INSYN2B: variants seen among roughly 807,000 people sequenced by gnomAD.
INSYN2B encodes protein INSYN2B.
INSYN2B carries 16 observed loss-of-function variants against 41.2 expected under a neutral mutation model. The ratio of observed to expected loss-of-function variants is 0.39; its 90% CI spans 0.26 to 0.59. INSYN2B has a LOEUF of 0.59. Ranked by LOEUF, INSYN2B falls within the 20% of genes least tolerant of loss-of-function variation. The pLI, the probability that INSYN2B is intolerant of heterozygous loss-of-function variation, is 0.57. For missense variants in INSYN2B, 608 were observed against 646.4 expected, an observed-to-expected ratio of 0.94 and a Z score of 0.64; for synonymous variants, 245 against 244.4, an observed-to-expected ratio of 1.00 and a Z score of -0.02.
chr5:169,914,664 CT>C (rs1774780524), intron 1 of INSYN2B, among the ~76,000 whole-genome samples: 1 of 152,204 alleles, frequency 6.6e-6, no homozygotes, highest in South Asian at 2.1e-4. Flanking sequence ...TTTCTGGCAT[CT>C]TAGTAGTAAC....
intron 1 of INSYN2B, among the ~76,000 whole-genome samples, chr5:169,966,864 A>G (rs1777318711): frequency 6.6e-6 from 1 of 152,238 alleles, no homozygotes; most frequent in African/African-American, 2.4e-5. Context: ...ACTTTGGTCT[A>G]ATGTTTTTGA....
Position 169,894,459 on chromosome 5 carries a change from G to T in INSYN2B, c.-918-9643C>A, listed in dbSNP as rs17670285. Among the ~76,000 whole-genome samples the T allele has an allele frequency of 4.9e-4, 75 of 152,222 alleles. 1 individual carries two copies. The East Asian group carries it at 0.011, about 23-fold the overall frequency. ...TGTTGGGCCCTGGACTCTGCAGTGC[G>T]CCATCCACCCTGGTACAGCAAAGCA... On this transcript the variant is annotated intron_variant, in intron 1 of 3. Transcript: ENST00000377365.
At chr5:169,893,257 G>A (rs1483201762) in intron 1 of INSYN2B, among the ~76,000 whole-genome samples, 1 of 152,198 alleles carries the variant, frequency 6.6e-6, no homozygotes, top group Non-Finnish European at 1.5e-5. Context: ...TGCTGCTGCT[G>A]CTGAATCTGA....
intron 3 of INSYN2B, among the ~76,000 whole-genome samples, chr5:169,870,601 T>A (rs956191592): frequency 2.0e-5 from 3 of 152,152 alleles, no homozygotes; most frequent in Non-Finnish European, 2.9e-5. Context: ...TTTGATTTTT[T>A]AAAATTTTAT....
At chr5:169,911,216 G>A (rs1774577410) in intron 1 of INSYN2B, among the ~76,000 whole-genome samples, 1 of 152,134 alleles carries the variant, frequency 6.6e-6, no homozygotes, top group African/African-American at 2.4e-5. Flanking sequence ...GCTGTGCTTT[G>A]AAACAGAGGA....
chr5:169,947,930 G>A (rs145417888), intron 1 of INSYN2B, among the ~76,000 whole-genome samples: 164 of 152,240 alleles, frequency 1.1e-3, no homozygotes, highest in African/African-American at 3.9e-3. Flanking sequence ...GTGCAGTGCC[G>A]CTGCGTTCTG....
Position 169,882,862 on chromosome 5 carries a change from C to T in INSYN2B, c.1037G>A (p.Ser346Asn), listed in dbSNP as rs1402697289. ...HQNLVSLKTN[S>N]ASKSAPGCQE... Reference sequence around the variant, plus strand: ...ACACCCAGGGGCAGATTTCGATGCACTGTTAGTTTTGAGTGACACCAGATT... The same window carrying T: ...ACACCCAGGGGCAGATTTCGATGCATTGTTAGTTTTGAGTGACACCAGATT... Residue 346 changes from serine (S) to asparagine (N), a missense_variant, in exon 2 of 4, where the codon AGT (serine) becomes AAT (asparagine). Physicochemically the swap from Ser to Asn is conservative, Grantham distance 46. Coordinates refer to ENST00000377365, the MANE Select transcript of INSYN2B (RefSeq NM_001129891.3). 1 of 1,551,228 alleles carries T rather than the reference C, an allele frequency of 6.4e-7. No individual in the cohort carries two copies. The highest frequency in any genetic ancestry group is 8.7e-7 in the Non-Finnish European group (1 of 1,146,666).
chr5:169,908,362 T>C (rs939371859), intron 1 of INSYN2B, among the ~76,000 whole-genome samples: 4 of 152,184 alleles, frequency 2.6e-5, no homozygotes, highest in Non-Finnish European at 1.5e-5. Context: ...ATTACTCACA[T>C]GCATATAGGC....
chr5:169,924,551 A>G (rs1581424368), intron 1 of INSYN2B, among the ~76,000 whole-genome samples: 1 of 152,184 alleles, frequency 6.6e-6, no homozygotes, highest in African/African-American at 2.4e-5. Flanking sequence ...TTGGGTAGCA[A>G]TTTAGACTCT....
intron 1 of INSYN2B, among the ~76,000 whole-genome samples, chr5:169,966,952 A>C (rs1777323254): frequency 6.6e-6 from 1 of 152,262 alleles, no homozygotes; most frequent in Non-Finnish European, 1.5e-5. Flanking sequence ...CATGCTATGT[A>C]GATAGCTACT....
intron 1 of INSYN2B, among the ~76,000 whole-genome samples, chr5:169,924,075 C>G (rs1304475736): frequency 6.6e-6 from 1 of 152,176 alleles, no homozygotes; most frequent in Non-Finnish European, 1.5e-5. Context: ...TCCTGCCACC[C>G]TCTTCCTCCC....
At chr5:169,880,328 A>G (rs1216994414) in intron 3 of INSYN2B, among the ~76,000 whole-genome samples, 1 of 152,270 alleles carries the variant, frequency 6.6e-6, no homozygotes, top group East Asian at 1.9e-4. Flanking sequence ...TTCCAGGCAT[A>G]TGGTCTCTTA....
At chr5:169,923,068 G>A (rs1193793900) in intron 1 of INSYN2B, among the ~76,000 whole-genome samples, 1 of 152,168 alleles carries the variant, frequency 6.6e-6, no homozygotes, top group African/African-American at 2.4e-5. Context: ...ATTCCCTGGG[G>A]GACACAGAGC....
intron 1 of INSYN2B, among the ~76,000 whole-genome samples, chr5:169,929,438 G>T (rs1385933940): frequency 6.6e-6 from 1 of 152,082 alleles, no homozygotes; most frequent in African/African-American, 2.4e-5. Context: ...AGATAAGATG[G>T]TAAGAAGTCA....
At chr5:169,910,473 C>T (rs1045995966) in intron 1 of INSYN2B, among the ~76,000 whole-genome samples, 1 of 152,164 alleles carries the variant, frequency 6.6e-6, no homozygotes, top group African/African-American at 2.4e-5. Flanking sequence ...ATTGTGCCGC[C>T]TGTGGTTGGA....
At chr5:169,903,944 A>T (rs1397806378) in intron 1 of INSYN2B, among the ~76,000 whole-genome samples, 2 of 151,996 alleles carry the variant, frequency 1.3e-5, no homozygotes, top group African/African-American at 2.4e-5. Flanking sequence ...TACAAAAAAT[A>T]CAAAAATTAG....
intron 1 of INSYN2B, among the ~76,000 whole-genome samples, chr5:169,975,543 A>G (rs569024031): frequency 9.2e-5 from 14 of 152,276 alleles, no homozygotes; most frequent in African/African-American, 3.1e-4. Context: ...CGACGCTCCA[A>G]GCACATCCCA....
Position 169,882,542 on chromosome 5 carries a change from A to T in INSYN2B, c.1346+11T>A, listed in dbSNP as rs1485196633. The T allele has an allele frequency of 6.6e-7, 1 of 1,520,820 alleles. No homozygotes were observed. Among genetic ancestry groups the T allele is most frequent in the Non-Finnish European group, 8.9e-7 (1 of 1,128,612 alleles). The allele number at this position is 1,520,820 out of a possible 1,614,324, so 94.2% of individuals were successfully genotyped here. On this transcript the variant is annotated intron_variant, in intron 2 of 3. Transcript: ENST00000377365. ...CCAGTCATTTTTAATATGAAAAAAA[A>T]ATCTCCTTACCCTTCAGTGAGAGCT...
rs375624537 is a variant in INSYN2B at position 169,958,826 on chromosome 5, A to T, written c.-919+21451T>A. On this transcript the variant is annotated intron_variant, in intron 1 of 3. Coordinates refer to ENST00000377365, the MANE Select transcript of INSYN2B (RefSeq NM_001129891.3). The stretch of plus-strand genomic sequence containing the variant: ...AATTGGTTCAGGGCAAAGGGGTCTC[A>T]CCTTTTCATGCTTCTCTGTTTTGCC... Among the ~76,000 whole-genome samples, 50 of 152,166 alleles carry T rather than the reference A, an allele frequency of 3.3e-4. No individual in the cohort carries two copies. In the South Asian group the frequency reaches 8.9e-3, roughly 27 times the overall value.
Sources: gnomAD v4.1 joint callset for allele counts (sites outside exome capture counted in the v4.1 genomes callset) on GRCh38, gnomAD v4.1.1 for gene constraint, MANE v1.5 for transcripts, NCBI Gene and HGNC (gene_info 2026-07-23, HGNC 2026-07-21) for gene names.